SEMA3A: variants seen among roughly 807,000 people sequenced by gnomAD.
SEMA3A encodes semaphorin 3A.
A neutral mutation model predicts 97.9 loss-of-function variants in SEMA3A; 29 were observed. That is an observed-to-expected ratio of 0.30 (90% CI 0.22 to 0.40). The LOEUF is 0.40. SEMA3A is among the 10% of genes least tolerant of loss of function. The pLI, the probability that SEMA3A is intolerant of heterozygous loss-of-function variation, is 1.00. For missense variants in SEMA3A, 763 were observed against 951.3 expected (o/e 0.80, Z 2.60); for synonymous variants, 321 against 323.7 (o/e 0.99, Z 0.09).
At chr7:84,313,412 T>G (rs1584230942) in intron 2 of SEMA3A, among the ~76,000 whole-genome samples, 1 of 133,490 alleles carries the variant, frequency 7.5e-6, no homozygotes, top group East Asian at 2.1e-4. Context: ...ATATAAACTA[T>G]ACGTGACTCC....
intron 3 of SEMA3A, among the ~76,000 whole-genome samples, chr7:84,209,403 A>G (rs901570459): frequency 2.0e-5 from 3 of 152,214 alleles, no homozygotes; most frequent in Non-Finnish European, 2.9e-5. Flanking sequence ...AAGAGGCAGT[A>G]CAGTATGATG....
In SEMA3A at chr7:84,124,894, A is replaced by C. The variant is rs565258625; in HGVS notation, c.333+4229T>G. On this transcript the variant is annotated intron_variant, in intron 3 of 16. Coordinates refer to ENST00000265362, the MANE Select transcript of SEMA3A (RefSeq NM_006080.3). ...ATGAGGTTAACTGAAAATTAAAATA[A>C]ATTTTAATAAAATTATAAATGAATA... 9.8e-4 allele frequency among the ~76,000 whole-genome samples: 149 copies of C among 152,034 alleles called. 1 individual carries two copies. In the South Asian group the frequency reaches 0.03, roughly 30 times the overall value.
chr7:84,013,971 T>C (rs983095494), intron 7 of SEMA3A, among the ~76,000 whole-genome samples: 6 of 152,320 alleles, frequency 3.9e-5, no homozygotes, highest in Non-Finnish European at 8.8e-5. Flanking sequence ...CAAACAAATA[T>C]TACGTAATGT....
At chr7:84,456,448 T>A (rs1395961799) in intron 1 of SEMA3A, among the ~76,000 whole-genome samples, 1 of 151,844 alleles carries the variant, frequency 6.6e-6, no homozygotes, top group Non-Finnish European at 1.5e-5. Context: ...AGTAAGAGAT[T>A]TTAAAAGCAC....
At chr7:84,404,270 A>C (rs565527421) in intron 1 of SEMA3A, among the ~76,000 whole-genome samples, 6 of 152,336 alleles carry the variant, frequency 3.9e-5, no homozygotes, top group Admixed American at 3.9e-4. Context: ...TAACCAATGC[A>C]ATCAACTGGA....
intron 1 of SEMA3A, among the ~76,000 whole-genome samples, chr7:84,463,237 CTTTTTTTT>C (rs59465422): frequency 7.0e-5 from 5 of 71,346 alleles, no homozygotes; most frequent in African/African-American, 2.2e-4. Context: ...TGTAACTATT[CTTTTTTTT>C]TTTTTTTTTT....
At chr7:83,992,782 AGT>A in intron 12 of SEMA3A, among the ~76,000 whole-genome samples, 1 of 152,162 alleles carries the variant, frequency 6.6e-6, no homozygotes, top group African/African-American at 2.4e-5. Context: ...GTGCCGAAAA[AGT>A]GTATATTCTG....
intron 1 of SEMA3A, among the ~76,000 whole-genome samples, chr7:84,470,799 G>A (rs181366622): frequency 4.6e-5 from 7 of 151,826 alleles, no homozygotes; most frequent in Admixed American, 3.9e-4. Flanking sequence ...GCTCAACCTC[G>A]TCCCCATTCA....
intron 4 of SEMA3A, among the ~76,000 whole-genome samples, chr7:84,091,167 G>GGAAGGAAGGAAGGAAA (rs1554324917): frequency 4.7e-5 from 2 of 42,900 alleles, no homozygotes; most frequent in African/African-American, 1.5e-4. Flanking sequence ...AAGGAAGGAA[G>GGAAGGAAGGAAGGAAA]GAAAGAAAGA....
intron 4 of SEMA3A, among the ~76,000 whole-genome samples, chr7:84,066,295 C>T (rs1366690453): frequency 6.6e-6 from 1 of 152,046 alleles, no homozygotes; most frequent in Non-Finnish European, 1.5e-5. Context: ...CTATCTATGA[C>T]AAACCCACAT....
chr7:84,153,293 G>A (rs562642679), intron 1 of SEMA3A, among the ~76,000 whole-genome samples: 1 of 152,250 alleles, frequency 6.6e-6, no homozygotes, highest in South Asian at 2.1e-4. Context: ...TATCAGGAGA[G>A]GCCTGTCATC....
chr7:84,037,023 T>C (rs1791963660), intron 6 of SEMA3A, among the ~76,000 whole-genome samples: 1 of 152,154 alleles, frequency 6.6e-6, no homozygotes, highest in Non-Finnish European at 1.5e-5. Context: ...ATGTTTAATA[T>C]AATCAAGTAA....
upstream of SEMA3A, chr7:84,195,004 C>CAGAGAGAGAGAGAGAGAGAG (rs562229237): frequency 1.5e-5 from 2 of 137,256 alleles, no homozygotes; most frequent in African/African-American, 2.8e-5. Context: ...GAAAGGGAAA[C>CAGAGAGAGAGAGAGAGAGAG]AGAGAGAGAG....
intron 3 of SEMA3A, among the ~76,000 whole-genome samples, chr7:84,121,083 C>T (rs948043598): frequency 7.0e-5 from 9 of 128,290 alleles, no homozygotes; most frequent in South Asian, 2.7e-4. Context: ...CCGGACAGTG[C>T]GCATATCTGC....
At chr7:84,299,320 A>ATG (rs1800946737) in intron 3 of SEMA3A, among the ~76,000 whole-genome samples, 2 of 134,284 alleles carry the variant, frequency 1.5e-5, no homozygotes, top group Admixed American at 7.8e-5. Flanking sequence ...ATATATATAT[A>ATG]TATCTCCATA....
chr7:84,445,493 C>CAAAAAAAA (rs61298477), intron 1 of SEMA3A, among the ~76,000 whole-genome samples: 110 of 27,586 alleles, frequency 4.0e-3, no homozygotes, highest in Non-Finnish European at 5.5e-3. Context: ...GACTCCATCT[C>CAAAAAAAA]AAAAAAAAAA....
chr7:84,306,579 C>G (rs930187936), intron 3 of SEMA3A: 3 of 152,078 alleles, frequency 2.0e-5, no homozygotes, highest in African/African-American at 7.2e-5. Context: ...AATTTTCTTC[C>G]TACTTTATAC....
intron 1 of SEMA3A, among the ~76,000 whole-genome samples, chr7:84,394,217 C>T (rs1340251659): frequency 1.3e-5 from 2 of 151,998 alleles, no homozygotes; most frequent in Admixed American, 6.6e-5. Context: ...AACAATCATC[C>T]TTTTGCTGCC....
intron 1 of SEMA3A, among the ~76,000 whole-genome samples, chr7:84,441,081 C>T (rs1451918954): frequency 2.0e-5 from 3 of 151,898 alleles, no homozygotes; most frequent in African/African-American, 7.3e-5. Flanking sequence ...TCACTTGAAC[C>T]CGGGAGGTGG....
Sources: allele counts gnomAD v4.1 joint callset (sites outside exome capture counted in the v4.1 genomes callset), GRCh38; gene constraint gnomAD v4.1.1; transcripts MANE v1.5; gene names NCBI Gene and HGNC (gene_info 2026-07-23, HGNC 2026-07-21).